The following ZNF215 variants were observed in gnomAD, a reference collection of about 807,000 sequenced individuals.
ZNF215 encodes BWSCR2-associated zinc finger protein 2.
In ZNF215, 24 loss-of-function variants were observed where a neutral mutation model predicts 27.2. That is an observed-to-expected ratio of 0.88 (90% CI 0.64 to 1.24). The LOEUF is 1.24. ZNF215 is among the 50% of genes most tolerant of loss of function. ZNF215 has a pLI of 0.00. For synonymous variants in ZNF215, 210 were observed against 204.0 expected, an observed-to-expected ratio of 1.03 and a Z score of -0.25; for missense variants, 675 against 605.7, an observed-to-expected ratio of 1.11 and a Z score of -1.20.
intron 3 of ZNF215, 80 bp from the exon 4 acceptor site, chr11:6,941,491 C>A: frequency 1.6e-6 from 2 of 1,215,002 alleles, no homozygotes; most frequent in South Asian, 1.5e-5. Context: ...CTGTGAATAT[C>A]ATATTAAAAC....
At chr11:6,965,232 A>G (rs546699120) in intron 5 of ZNF215, among the ~76,000 whole-genome samples, 26 of 152,248 alleles carry the variant, frequency 1.7e-4, no homozygotes, top group Middle Eastern at 3.4e-3. Flanking sequence ...ACAGAGTTTA[A>G]AGTCACACAT....
chr11:6,958,022 C>G lies in ZNF215; in HGVS notation c.*1491C>G, dbSNP rs995056036. On this transcript the variant is annotated 3_prime_UTR_variant, in exon 7 of 7. Transcript: ENST00000278319. Reference sequence around the variant, plus strand: ...AGAAAAGGTATACTGGAGTGAACTCCTATGATTAAATAATGTCAAAATCTA... The same window carrying G: ...AGAAAAGGTATACTGGAGTGAACTCGTATGATTAAATAATGTCAAAATCTA... The G allele has an allele frequency of 1.9e-5, 19 of 985,222 alleles. No homozygotes were observed. In the African/African-American group the frequency reaches 3.0e-4, roughly 15 times the overall value. 61.0% of individuals were successfully genotyped at this position (985,222 alleles called of 1,614,324 possible). A position where few individuals can be genotyped will look rare whatever the true frequency, so the allele number is the denominator to read the frequency against.
intron 5 of ZNF215, among the ~76,000 whole-genome samples, chr11:6,971,288 C>T (rs1375395228): frequency 2.0e-5 from 3 of 152,164 alleles, no homozygotes; most frequent in Non-Finnish European, 2.9e-5. Flanking sequence ...TCCTTTCCAT[C>T]ACATCTGTCA....
intron 5 of ZNF215, among the ~76,000 whole-genome samples, chr11:6,983,667 A>G (rs1274193585): frequency 2.0e-5 from 3 of 152,242 alleles, no homozygotes; most frequent in Non-Finnish European, 4.4e-5. Context: ...TGAAGTGGAA[A>G]TAGCAAACTC....
chr11:6,976,873 T>A (rs1850844876), intron 5 of ZNF215, among the ~76,000 whole-genome samples: 1 of 152,090 alleles, frequency 6.6e-6, no homozygotes, highest in African/African-American at 2.4e-5. Flanking sequence ...ACAACTCATC[T>A]TTATGTTCTG....
chr11:6,933,652 A>G (rs1239298537), intron 3 of ZNF215, among the ~76,000 whole-genome samples: 1 of 151,972 alleles, frequency 6.6e-6, no homozygotes, highest in Non-Finnish European at 1.5e-5. Context: ...TTAGCCGGGC[A>G]TGGTGGTGGG....
chr11:6,994,231 G>T (rs564464546), intron 6 of ZNF215, among the ~76,000 whole-genome samples: 1 of 150,162 alleles, frequency 6.7e-6, no homozygotes, highest in Non-Finnish European at 1.5e-5. Flanking sequence ...TACTAATATC[G>T]CATATTAAAG....
intron 3 of ZNF215, among the ~76,000 whole-genome samples, chr11:6,936,864 G>A (rs1235842449): frequency 1.3e-5 from 2 of 149,726 alleles, no homozygotes; most frequent in East Asian, 3.9e-4. Context: ...AAAAGCATCT[G>A]ACAAAATCCA....
intron 5 of ZNF215, among the ~76,000 whole-genome samples, chr11:6,964,415 C>A (rs1850576946): frequency 6.6e-6 from 1 of 151,982 alleles, no homozygotes; most frequent in Admixed American, 6.6e-5. Flanking sequence ...GGTTTATGAT[C>A]TATTCTTAGT....
chr11:6,933,554 G>C (rs948527712), intron 3 of ZNF215, among the ~76,000 whole-genome samples: 1 of 152,024 alleles, frequency 6.6e-6, no homozygotes, highest in African/African-American at 2.4e-5. Context: ...TTGGGAGGCC[G>C]AGGCGGGCAG....
intron 6 of ZNF215, among the ~76,000 whole-genome samples, chr11:6,944,284 G>T (rs376424263): frequency 6.6e-6 from 1 of 151,898 alleles, no homozygotes; most frequent in Non-Finnish European, 1.5e-5. Context: ...TACATGGTAA[G>T]TGCTACATCA....
intron 2 of ZNF215, among the ~76,000 whole-genome samples, chr11:6,931,403 ATAT>A (rs987063707): frequency 2.9e-4 from 44 of 152,334 alleles, no homozygotes; most frequent in African/African-American, 9.4e-4. Context: ...AGAAAAGTGC[ATAT>A]TATTCTTCTG....
chr11:6,972,543 T>G (rs927483235), intron 5 of ZNF215, among the ~76,000 whole-genome samples: 2 of 152,160 alleles, frequency 1.3e-5, no homozygotes, highest in Admixed American at 1.3e-4. Context: ...AATGTATCTT[T>G]AAGCTTTTCT....
At chr11:6,972,307 A>G (rs1050070489) in intron 5 of ZNF215, among the ~76,000 whole-genome samples, 2 of 152,088 alleles carry the variant, frequency 1.3e-5, no homozygotes, top group African/African-American at 4.8e-5. Flanking sequence ...ATGAATGGGT[A>G]TGACTGTTAA....
At chr11:6,932,878 T>A (rs543438795) in intron 3 of ZNF215, among the ~76,000 whole-genome samples, 45 of 152,226 alleles carry the variant, frequency 3.0e-4, no homozygotes, top group Non-Finnish European at 1.0e-4. Context: ...ACAGTTTGAT[T>A]TGCCAGTTAA....
chr11:6,960,257 A>G (rs2638094), downstream of ZNF215, among the ~76,000 whole-genome samples: 23,822 of 152,154 alleles, frequency 0.16, 2,163 homozygotes, highest in Middle Eastern at 0.22. Flanking sequence ...CAACTTGACA[A>G]TATATATTGA....
chr11:6,971,874 T>A (rs554004873), intron 5 of ZNF215, among the ~76,000 whole-genome samples: 17 of 152,230 alleles, frequency 1.1e-4, no homozygotes, highest in African/African-American at 4.1e-4. Context: ...TAAAGCAGGG[T>A]TAGCCATTGT....
At chr11:6,946,940 T>C (rs983065177) in intron 6 of ZNF215, among the ~76,000 whole-genome samples, 7 of 152,204 alleles carry the variant, frequency 4.6e-5, no homozygotes, top group African/African-American at 1.7e-4. Flanking sequence ...GTTTATGTGG[T>C]TTATTGATTA....
chr11:6,991,481 G>C (rs1047627786), downstream of ZNF215, among the ~76,000 whole-genome samples: 13 of 152,164 alleles, frequency 8.5e-5, no homozygotes, highest in African/African-American at 2.7e-4. Flanking sequence ...CCCTACCCTA[G>C]AGCCCCCTCA....
Sources: allele counts gnomAD v4.1 joint callset (sites outside exome capture counted in the v4.1 genomes callset), GRCh38; gene constraint gnomAD v4.1.1; transcripts MANE v1.5; gene names NCBI Gene and HGNC (gene_info 2026-07-23, HGNC 2026-07-21).